Variants in BRD1 observed in about 807,000 individuals in gnomAD.
The protein encoded by BRD1 is bromodomain containing 1.
BRD1 carries 24 observed loss-of-function variants against 107.7 expected under a neutral mutation model. The ratio of observed to expected loss-of-function variants is 0.22; its 90% CI spans 0.16 to 0.31. BRD1 has a LOEUF of 0.31. Among genes scored for constraint, BRD1 ranks in the 10% least tolerant of loss-of-function variants. BRD1 has a pLI of 1.00. For synonymous variants in BRD1, 744 were observed against 686.1 expected (o/e 1.08, Z -1.32); for missense variants, 1,279 against 1,638.6 (o/e 0.78, Z 3.79).
At chr22:49,797,111 C>T (rs372932401) in intron 6 of BRD1, among the ~76,000 whole-genome samples, 2 of 152,192 alleles carry the variant, frequency 1.3e-5, no homozygotes, top group East Asian at 1.9e-4. Context: ...CCCAGAGGTG[C>T]GACTAACAAG....
chr22:49,777,188 A>AGGCGC (rs772515049), intron 9 of BRD1, 27 bp from the exon 10 acceptor site: 2 of 1,608,608 alleles, frequency 1.2e-6, no homozygotes, highest in East Asian at 4.5e-5. Context: ...AGAGGGAGTC[A>AGGCGC]GGCGCCCCGC....
chr22:49,777,806 G>T lies in BRD1; in HGVS notation c.2865C>A (p.Thr955=). The part of the protein sequence containing the change: ...SPGKRLDAGL[T]NGFGGARSEQ... ...CGCTCCTCGCACCCCCAAAGCCGTT[G>T]GTGAGACCTGGAACACAGGCGGGCA... Residue 955 remains threonine, a synonymous_variant, in exon 9 of 13, where the codon ACC becomes ACA. Transcript: ENST00000404760. The T allele has an allele frequency of 6.3e-7, 1 of 1,599,748 alleles. No homozygotes were observed.
chr22:49,790,620 T>C (rs546442558), intron 7 of BRD1, among the ~76,000 whole-genome samples: 4 of 152,356 alleles, frequency 2.6e-5, no homozygotes, highest in East Asian at 3.9e-4. Context: ...CCACCTGCTA[T>C]GTCAATCAAA....
chr22:49,805,304 CAGG>C (rs1569121321), intron 2 of BRD1: 3 of 152,218 alleles, frequency 2.0e-5, no homozygotes, highest in African/African-American at 7.2e-5. Context: ...GTGGAGCCTG[CAGG>C]AGAACACTCA....
At chr22:49,809,138 A>AG (rs1233877385) in intron 2 of BRD1, among the ~76,000 whole-genome samples, 4 of 151,730 alleles carry the variant, frequency 2.6e-5, no homozygotes, top group Non-Finnish European at 5.9e-5. Flanking sequence ...ATAAAGAAAA[A>AG]GGGAAAAAAA....
intron 8 of BRD1, among the ~76,000 whole-genome samples, chr22:49,778,306 GA>G (rs1459597677): frequency 2.0e-5 from 3 of 152,166 alleles, no homozygotes; most frequent in Non-Finnish European, 2.9e-5. Flanking sequence ...GTTTTAAAAA[GA>G]AAAAACCTTG....
rs1041995032 is a variant in BRD1 at position 49,773,866 on chromosome 22, T to C, written c.*367A>G. ...CATTTTCTTTCTTAAAATACACATTTGTCATTGTAAATTTACATCCCGTCT... is the reference window on the plus strand; with the variant it reads ...CATTTTCTTTCTTAAAATACACATTCGTCATTGTAAATTTACATCCCGTCT... On this transcript the variant is annotated 3_prime_UTR_variant, in exon 13 of 13. Coordinates refer to ENST00000404760, the MANE Select transcript of BRD1 (RefSeq NM_001304808.3). The C allele has an allele frequency of 5.9e-6, 1 of 168,622 alleles. No homozygotes were observed. Among genetic ancestry groups the C allele is most frequent in the African/African-American group, 2.4e-5 (1 of 42,114 alleles). The allele number at this position is 168,622 out of a possible 1,614,324, so 10.4% of individuals were successfully genotyped here.
chr22:49,787,541 G>A lies in BRD1; in HGVS notation c.2706C>T (p.Thr902=). 6.2e-7 allele frequency: 1 copy of A among 1,607,228 alleles called. No homozygotes were observed. Among genetic ancestry groups the A allele is most frequent in the East Asian group, 2.3e-5 (1 of 44,362 alleles). Residue 902 remains threonine, a synonymous_variant, in exon 8 of 13, where the codon ACC becomes ACT. Transcript: ENST00000404760. Reference sequence around the variant, plus strand: ...TCCCTAGCTGAGGAGAAGTTGGCTGGGTTTCAGTGTTCTTGGCAGACTTTG... The same window carrying A: ...TCCCTAGCTGAGGAGAAGTTGGCTGAGTTTCAGTGTTCTTGGCAGACTTTG... ...SPPKSAKNTE[T]QPTSPQLGTK...
In BRD1 at chr22:49,805,274, C is replaced by T. The variant is rs931238193; in HGVS notation, c.1368-914G>A. Among the ~76,000 whole-genome samples the T allele has an allele frequency of 3.3e-5, 5 of 152,282 alleles. No individual in the cohort carries two copies. In the East Asian group the frequency reaches 7.7e-4, roughly 24 times the overall value. On this transcript the variant is annotated intron_variant, in intron 2 of 12. Transcript: ENST00000404760. ...CAAGGGAACCCAACGCCGCCTCTTC[C>T]GGCAGAACCTGGCTCAAGCGTGGAG...
At chr22:49,786,139 C>T (rs1051088578) in intron 8 of BRD1, among the ~76,000 whole-genome samples, 5 of 150,742 alleles carry the variant, frequency 3.3e-5, no homozygotes, top group East Asian at 4.0e-4. Flanking sequence ...GGAGAAAATG[C>T]GCATCTCCTT....
At chr22:49,785,218 G>C (rs1310974655) in intron 8 of BRD1, among the ~76,000 whole-genome samples, 1 of 152,266 alleles carries the variant, frequency 6.6e-6, no homozygotes, top group African/African-American at 2.4e-5. Flanking sequence ...TGTCCACAGT[G>C]GGAGCCCACA....
At chr22:49,784,511 C>T (rs1196702602) in intron 8 of BRD1, among the ~76,000 whole-genome samples, 1 of 152,246 alleles carries the variant, frequency 6.6e-6, no homozygotes, top group African/African-American at 2.4e-5. Context: ...GCGCACAGCA[C>T]AGCCGGCCCG....
At chr22:49,775,973 G>C in intron 11 of BRD1, 77 bp downstream of exon 11, 1 of 1,326,304 alleles carries the variant, frequency 7.5e-7, no homozygotes, top group Non-Finnish European at 1.0e-6. Flanking sequence ...ACCGCCGTGA[G>C]CCTCCTCGGA....
chr22:49,800,840 G>C (rs755103315), intron 3 of BRD1, among the ~76,000 whole-genome samples: 5 of 152,270 alleles, frequency 3.3e-5, no homozygotes, highest in South Asian at 2.1e-4. Flanking sequence ...CCCACTGCCG[G>C]GAAGAAGCTG....
chr22:49,816,760 T>A (rs1292105484), intron 2 of BRD1, among the ~76,000 whole-genome samples: 2 of 152,196 alleles, frequency 1.3e-5, no homozygotes, highest in African/African-American at 4.8e-5. Flanking sequence ...CCAGGTGGCC[T>A]CCAACACTGC....
Position 49,787,570 on chromosome 22 carries a change from G to A in BRD1, c.2677C>T (p.Pro893Ser). Reference sequence around the variant, plus strand: ...TCAGTGTTCTTGGCAGACTTTGGGGGGCTTACACTTTTCGATTTGCAGAAG... The same window carrying A: ...TCAGTGTTCTTGGCAGACTTTGGGGAGCTTACACTTTTCGATTTGCAGAAG... ...VLFCKSKSVS[P>S]PKSAKNTETQ... The change falls in exon 8 of 13, where the codon CCC (proline) becomes TCC (serine). Residue 893 changes from proline (P) to serine (S), a missense_variant. By Grantham distance (74) the Pro-to-Ser change is moderately conservative (BLOSUM62 -1). Coordinates refer to ENST00000404760, the MANE Select transcript of BRD1 (RefSeq NM_001304808.3). 6.3e-7 allele frequency: 1 copy of A among 1,580,928 alleles called. No homozygotes were observed. The highest frequency in any genetic ancestry group is 8.6e-7 in the Non-Finnish European group (1 of 1,162,732).
intron 3 of BRD1, among the ~76,000 whole-genome samples, chr22:49,800,872 G>A (rs1212912191): frequency 6.6e-6 from 1 of 152,260 alleles, no homozygotes; most frequent in Non-Finnish European, 1.5e-5. Context: ...GTCCATTCCA[G>A]ACACATGGGG....
chr22:49,818,441 C>T, intron 2 of BRD1: 1 of 1,023,168 alleles, frequency 9.8e-7, no homozygotes, highest in Non-Finnish European at 1.2e-6. Context: ...ATGCAATAAC[C>T]AAAAAGAGTT....
rs756567520 is a variant in BRD1 at position 49,798,096 on chromosome 22, T to C, written c.1807A>G (p.Ile603Val). ...LKEVPDYLDH[I>V]KHPMDFATMR... ...GTGGCAAAGTCCATGGGATGTTTAA[T>C]GTGATCCAAATAATCTGGTACCTAA... Residue 603 changes from isoleucine (I) to valine (V), a missense_variant, in exon 6 of 13, where the codon ATT becomes GTT. Ile to Val is a conservative substitution (Grantham distance 29). This residue lies in a region of BRD1 where 406 missense variants were observed against 519.4 expected (regional missense o/e 0.78). Transcript: ENST00000404760. The C allele has an allele frequency of 4.8e-5, 78 of 1,610,012 alleles. No individual in the cohort carries two copies. The highest frequency in any genetic ancestry group is 5.9e-5 in the Non-Finnish European group (69 of 1,176,826).
Sources: allele counts gnomAD v4.1 joint callset (sites outside exome capture counted in the v4.1 genomes callset), GRCh38; gene constraint gnomAD v4.1.1; regional missense constraint gnomAD v4.1.1; transcripts MANE v1.5; gene names NCBI Gene and HGNC (gene_info 2026-07-23, HGNC 2026-07-21).